FSTL4: variants seen among roughly 807,000 people sequenced by gnomAD.
The protein encoded by FSTL4 is follistatin-related protein 4.
Under a neutral mutation model 78.2 loss-of-function variants are expected in FSTL4, and 28 were observed. The observed-to-expected ratio is 0.36, with a 90% confidence interval of 0.27 to 0.49. The LOEUF (loss-of-function observed/expected upper bound fraction) is 0.49. Among genes scored for constraint, FSTL4 ranks in the 20% least tolerant of loss-of-function variants. The probability of loss-of-function intolerance (pLI) is 0.98; values close to 1 mark genes in which losing one functional copy is unlikely to be tolerated. For synonymous variants in FSTL4, 422 were observed against 440.5 expected (o/e 0.96, Z 0.53); for missense variants, 922 against 1,084.9 (o/e 0.85, Z 2.11).
chr5:133,812,562 G>C, the FSTL4 span, among the ~76,000 whole-genome samples: 2 of 150,306 alleles, frequency 1.3e-5, no homozygotes, highest in Non-Finnish European at 3.0e-5. Context: ...GCTTCTTCTT[G>C]TCATTCAAAT....
chr5:133,240,672 T>G (rs896691260), intron 7 of FSTL4, among the ~76,000 whole-genome samples: 1 of 152,136 alleles, frequency 6.6e-6, no homozygotes, highest in Non-Finnish European at 1.5e-5. Flanking sequence ...TCTTAGCGCA[T>G]GACTCATCTC....
At position 133,410,479 on chromosome 5, in the gene FSTL4, C is replaced by T. The variant is rs142281515; in HGVS notation, c.161-9493G>A. Among the ~76,000 whole-genome samples the T allele has an allele frequency of 2.6e-5, 4 of 152,312 alleles. No individual in the cohort carries two copies. The South Asian group carries it at 6.2e-4, about 24-fold the overall frequency. On this transcript the variant is annotated intron_variant, in intron 3 of 15. Transcript: ENST00000265342. ...TTTCCACCAACTAATGATTCAAGGC[C>T]GTGACACCCCAGGCTGCCTCCAATT...
At chr5:133,788,701 A>C in the FSTL4 span, among the ~76,000 whole-genome samples, 3 of 152,246 alleles carry the variant, frequency 2.0e-5, no homozygotes, top group East Asian at 5.8e-4. Context: ...TGAATTCCAC[A>C]GATGCTTATA....
intron 4 of FSTL4, among the ~76,000 whole-genome samples, chr5:133,349,977 G>A (rs1413742695): frequency 1.4e-5 from 2 of 148,072 alleles, no homozygotes; most frequent in Admixed American, 6.7e-5. Context: ...GCTGCCATGC[G>A]ACTGTAAAGG....
chr5:133,713,287 A>C, the FSTL4 span, among the ~76,000 whole-genome samples: 10 of 152,346 alleles, frequency 6.6e-5, no homozygotes, highest in African/African-American at 2.4e-4. Flanking sequence ...GAGTTGGTAT[A>C]ATCATCTAAC....
intron 6 of FSTL4, among the ~76,000 whole-genome samples, chr5:133,299,036 A>C (rs1753470748): frequency 6.6e-6 from 1 of 152,220 alleles, no homozygotes; most frequent in Non-Finnish European, 1.5e-5. Context: ...CACTGTTTTC[A>C]AAAGGAACAG....
chr5:133,207,527 T>G (rs1750558359), intron 14 of FSTL4, among the ~76,000 whole-genome samples: 1 of 152,266 alleles, frequency 6.6e-6, no homozygotes, highest in Admixed American at 6.5e-5. Flanking sequence ...TGATACGAGA[T>G]ATTCACTTCT....
chr5:133,240,432 T>C (rs1315032591), intron 7 of FSTL4, among the ~76,000 whole-genome samples: 3 of 152,286 alleles, frequency 2.0e-5, no homozygotes, highest in South Asian at 2.1e-4. Flanking sequence ...AGAGGGCTGT[T>C]GTGGGCAGCT....
At chr5:133,336,083 C>T (rs1287055480) in intron 4 of FSTL4, among the ~76,000 whole-genome samples, 1 of 152,202 alleles carries the variant, frequency 6.6e-6, no homozygotes, top group Non-Finnish European at 1.5e-5. Flanking sequence ...CTCTAGATCC[C>T]AGATTGAACA....
intron 6 of FSTL4, among the ~76,000 whole-genome samples, chr5:133,312,154 C>T (rs886408158): frequency 6.6e-6 from 1 of 152,194 alleles, no homozygotes; most frequent in Non-Finnish European, 1.5e-5. Flanking sequence ...ACTTTCCCTT[C>T]TTCTCCAGGG....
the FSTL4 span, among the ~76,000 whole-genome samples, chr5:133,765,227 G>C: frequency 6.6e-6 from 1 of 152,232 alleles, no homozygotes; most frequent in Non-Finnish European, 1.5e-5. Context: ...AGTGGGGAGA[G>C]GGGGAGGTTA....
chr5:133,798,228 T>C, the FSTL4 span, among the ~76,000 whole-genome samples: 10 of 152,180 alleles, frequency 6.6e-5, no homozygotes, highest in Admixed American at 3.3e-4. Context: ...TAAGTAAAAA[T>C]AAAATTTTAA....
the FSTL4 span, among the ~76,000 whole-genome samples, chr5:133,798,810 G>T: frequency 6.6e-6 from 1 of 152,070 alleles, no homozygotes. Flanking sequence ...AGTAGCTGTC[G>T]GTTCTGTCTG....
the FSTL4 span, among the ~76,000 whole-genome samples, chr5:133,754,240 T>C: frequency 6.6e-6 from 1 of 152,192 alleles, no homozygotes; most frequent in African/African-American, 2.4e-5. Context: ...AGAAAATAAA[T>C]ACAAACTATC....
chr5:133,718,502 G>A, the FSTL4 span, among the ~76,000 whole-genome samples: 5 of 152,140 alleles, frequency 3.3e-5, no homozygotes, highest in East Asian at 9.6e-4. Context: ...ATGTCTGAAT[G>A]TTCCAAACTT....
At position 133,361,439 on chromosome 5, in the gene FSTL4, C is replaced by T. The variant is rs1167895207; in HGVS notation, c.409+39299G>A. ...CAACAGCAGCAGGCCCTCTCTTGCT[C>T]TGCCTGAGCTCCAATCTTTCCTCTT... On this transcript the variant is annotated intron_variant, in intron 4 of 15. Coordinates refer to ENST00000265342, the MANE Select transcript of FSTL4 (RefSeq NM_015082.2). This position sits in a 1 kb window ranked among gnomAD's most constrained non-coding sequence, Gnocchi z 4.3. Among the ~76,000 whole-genome samples, 3 of 152,256 alleles carry T rather than the reference C, an allele frequency of 2.0e-5. No individual in the cohort carries two copies. Among genetic ancestry groups the T allele is most frequent in the African/African-American group, 7.2e-5 (3 of 41,472 alleles).
intron 2 of FSTL4, among the ~76,000 whole-genome samples, chr5:133,589,865 A>C (rs1266563577): frequency 6.6e-6 from 1 of 152,162 alleles, no homozygotes; most frequent in East Asian, 1.9e-4. Context: ...TGGCTCCACC[A>C]CTTACTATAT....
At chr5:133,420,522 G>A (rs1756668838) in intron 3 of FSTL4, among the ~76,000 whole-genome samples, 1 of 152,182 alleles carries the variant, frequency 6.6e-6, no homozygotes, top group African/African-American at 2.4e-5. Context: ...CACCTGTGCA[G>A]GCTGGCTGGC....
chr5:133,763,020 T>G, the FSTL4 span, among the ~76,000 whole-genome samples: 2 of 152,208 alleles, frequency 1.3e-5, no homozygotes, highest in Non-Finnish European at 2.9e-5. Context: ...CAGTTCTGTC[T>G]CCTTCCTTGG....
Sources: gnomAD v4.1 joint callset for allele counts (sites outside exome capture counted in the v4.1 genomes callset) on GRCh38, gnomAD v4.1.1 for gene constraint, Gnocchi (gnomAD v3.1) non-coding constraint, MANE v1.5 for transcripts, NCBI Gene and HGNC (gene_info 2026-07-23, HGNC 2026-07-21) for gene names.